ENPP6: variants seen among roughly 807,000 people sequenced by gnomAD.
The protein encoded by ENPP6 is ectonucleotide pyrophosphatase/phosphodiesterase 6, also known as glycerophosphocholine cholinephosphodiesterase ENPP6.
Under a neutral mutation model 42.0 loss-of-function variants are expected in ENPP6, and 32 were observed. The observed-to-expected ratio is 0.76, with a 90% confidence interval of 0.58 to 1.02. ENPP6 has a LOEUF of 1.02. ENPP6 is among the 50% of genes least tolerant of loss of function. The probability of loss-of-function intolerance (pLI) is 0.00; values close to 1 mark genes in which losing one functional copy is unlikely to be tolerated. For synonymous variants in ENPP6, 213 were observed against 216.0 expected (o/e 0.99, Z 0.12); for missense variants, 552 against 566.8 (o/e 0.97, Z 0.27).
At chr4:184,161,652 G>A (rs1371593544) in intron 1 of ENPP6, among the ~76,000 whole-genome samples, 2 of 140,492 alleles carry the variant, frequency 1.4e-5, no homozygotes, top group African/African-American at 5.0e-5. Flanking sequence ...ATCAATGAGT[G>A]GATAAAGAAA....
intron 6 of ENPP6, among the ~76,000 whole-genome samples, chr4:184,111,327 A>G (rs1296438432): frequency 2.6e-5 from 4 of 152,230 alleles, no homozygotes; most frequent in Non-Finnish European, 5.9e-5. Context: ...TTATAAACTG[A>G]AAAAAGTTCA....
At position 184,180,956 on chromosome 4, in the gene ENPP6, A is replaced by T. The variant is rs187156080; in HGVS notation, c.242-27223T>A. On this transcript the variant is annotated intron_variant, in intron 1 of 7. Coordinates refer to ENST00000296741, the MANE Select transcript of ENPP6 (RefSeq NM_153343.4). Reference sequence around the variant, plus strand: ...TCCCCTTGAAAACTGGCACAAGACAAGGGTGTTCTCTCTCACCATTCCTAG... The same window carrying T: ...TCCCCTTGAAAACTGGCACAAGACATGGGTGTTCTCTCTCACCATTCCTAG... 5.9e-5 allele frequency among the ~76,000 whole-genome samples: 9 copies of T among 152,312 alleles called. 1 individual carries two copies. Among genetic ancestry groups the T allele is most frequent in the Admixed American group, 2.6e-4 (4 of 15,302 alleles).
chr4:184,181,785 G>T (rs892437302), intron 1 of ENPP6, among the ~76,000 whole-genome samples: 4 of 152,164 alleles, frequency 2.6e-5, no homozygotes, highest in Admixed American at 2.0e-4. Flanking sequence ...AATAAATGGT[G>T]CTGGGAGAAC....
intron 1 of ENPP6, among the ~76,000 whole-genome samples, chr4:184,213,110 A>G (rs1733139659): frequency 6.6e-6 from 1 of 151,798 alleles, no homozygotes; most frequent in African/African-American, 2.4e-5. Flanking sequence ...AAAGACTTAA[A>G]CGTTAGACCT....
Position 184,091,185 on chromosome 4 carries a change from G to A in ENPP6, c.1315C>T (p.Leu439Phe). ...CALALILLFL[L>F]A The stretch of plus-strand genomic sequence containing the variant: ...ACAAGCAATATGATCAGTTATGCAA[G>A]CAGGAAGAGAAGAATCAGTGCCAGG... Residue 439 changes from leucine (L) to phenylalanine (F), a missense_variant, in exon 8 of 8, where the codon CTT (leucine) becomes TTT (phenylalanine). By Grantham distance (22) the Leu-to-Phe change is conservative. This residue lies in a region of ENPP6 where 545 missense variants were observed against 546.3 expected (regional missense o/e 1.00). Transcript: ENST00000296741. 1 of 1,555,114 alleles carries A rather than the reference G, an allele frequency of 6.4e-7. No homozygotes were observed. The highest frequency in any genetic ancestry group is 1.2e-5 in the South Asian group (1 of 82,586).
intron 1 of ENPP6, among the ~76,000 whole-genome samples, chr4:184,171,524 T>C (rs1327829822): frequency 1.3e-5 from 2 of 152,250 alleles, no homozygotes; most frequent in Non-Finnish European, 2.9e-5. Context: ...ATGGGATTTG[T>C]TACGGCAGCT....
chr4:184,200,867 C>A (rs558795171), intron 1 of ENPP6, among the ~76,000 whole-genome samples: 2 of 152,364 alleles, frequency 1.3e-5, no homozygotes, highest in East Asian at 3.9e-4. Context: ...CATGTACACA[C>A]ATTCTCCCAT....
At chr4:184,101,993 C>T (rs916697164) in intron 6 of ENPP6, among the ~76,000 whole-genome samples, 3 of 152,228 alleles carry the variant, frequency 2.0e-5, no homozygotes, top group South Asian at 2.1e-4. Flanking sequence ...TGCACTCCAT[C>T]GCCAGCTCCC....
chr4:184,107,787 C>T lies in ENPP6; in HGVS notation c.993+4885G>A, dbSNP rs543631497. On this transcript the variant is annotated intron_variant, in intron 6 of 7. Transcript: ENST00000296741. ...AAAATTAGCCGGGCGTGGTGGCGGGCGCCTGTTGTCCCAGCTACTCGGGAG... is the reference window on the plus strand; with the variant it reads ...AAAATTAGCCGGGCGTGGTGGCGGGTGCCTGTTGTCCCAGCTACTCGGGAG... Among the ~76,000 whole-genome samples, 354 of 152,008 alleles carry T rather than the reference C, an allele frequency of 2.3e-3. 2 individuals carry two copies. Among genetic ancestry groups the T allele is most frequent in the African/African-American group, 8.1e-3 (334 of 41,448 alleles).
At chr4:184,170,061 T>C (rs1032838351) in intron 1 of ENPP6, among the ~76,000 whole-genome samples, 2 of 152,250 alleles carry the variant, frequency 1.3e-5, no homozygotes, top group Non-Finnish European at 2.9e-5. Context: ...AACTATTTAA[T>C]ATCATTCAAT....
intron 6 of ENPP6, among the ~76,000 whole-genome samples, chr4:184,098,406 C>T (rs1223538656): frequency 6.6e-6 from 1 of 152,224 alleles, no homozygotes; most frequent in Non-Finnish European, 1.5e-5. Context: ...AATCACATTT[C>T]CTAGCAAAGC....
intron 7 of ENPP6, among the ~76,000 whole-genome samples, chr4:184,093,851 CTCTTCTA>C (rs1324408163): frequency 6.6e-6 from 1 of 152,042 alleles, no homozygotes; most frequent in East Asian, 1.9e-4. Flanking sequence ...ATGGAAGCAA[CTCTTCTA>C]TCTTCTTCTC....
Position 184,116,836 on chromosome 4 carries a change from C to G in ENPP6, c.855+20G>C. The G allele has an allele frequency of 1.9e-6, 3 of 1,611,710 alleles. No individual in the cohort carries two copies. Among genetic ancestry groups the G allele is most frequent in the Non-Finnish European group, 2.5e-6 (3 of 1,179,152 alleles). Reference sequence around the variant, plus strand: ...GAGGGCCCACATGGCCCTCCTCCGCCCCCCACGGGTCTGTCTTGCCTCAGA... The same window carrying G: ...GAGGGCCCACATGGCCCTCCTCCGCGCCCCACGGGTCTGTCTTGCCTCAGA... On this transcript the variant is annotated intron_variant, in intron 5 of 7. Coordinates refer to ENST00000296741, the MANE Select transcript of ENPP6 (RefSeq NM_153343.4).
chr4:184,155,724 G>A (rs1737148228), intron 1 of ENPP6, among the ~76,000 whole-genome samples: 1 of 152,184 alleles, frequency 6.6e-6, no homozygotes, highest in Non-Finnish European at 1.5e-5. Context: ...GGCTTCACAT[G>A]ATGTAGTTTT....
chr4:184,102,455 A>G (rs573753823), intron 6 of ENPP6, among the ~76,000 whole-genome samples: 12 of 152,310 alleles, frequency 7.9e-5, no homozygotes, highest in Non-Finnish European at 1.3e-4. Context: ...GGAATACATG[A>G]TCATATATAT....
Position 184,188,744 on chromosome 4 carries a change from C to A in ENPP6, c.241+28835G>T, listed in dbSNP as rs559916188. 2.6e-5 allele frequency among the ~76,000 whole-genome samples: 4 copies of A among 152,220 alleles called. No homozygotes were observed. In the South Asian group the frequency reaches 8.3e-4, roughly 32 times the overall value. On this transcript the variant is annotated intron_variant, in intron 1 of 7. Transcript: ENST00000296741. The stretch of plus-strand genomic sequence containing the variant: ...TGTATTGCCAATTAAATGTGGGAGG[C>A]TTCATTCAAGATAAAGATGTCTCAC...
intron 6 of ENPP6, among the ~76,000 whole-genome samples, chr4:184,110,365 C>T (rs1736178968): frequency 6.6e-6 from 1 of 152,200 alleles, no homozygotes; most frequent in Non-Finnish European, 1.5e-5. Context: ...GGGGAAGCCG[C>T]TAGTGGGTTC....
At chr4:184,129,187 A>C (rs2111355569) in intron 2 of ENPP6, among the ~76,000 whole-genome samples, 1 of 152,278 alleles carries the variant, frequency 6.6e-6, no homozygotes, top group Non-Finnish European at 1.5e-5. Context: ...AATGCTGGAA[A>C]TCAGGAGGCA....
chr4:184,105,443 A>C (rs1736071508), intron 6 of ENPP6, among the ~76,000 whole-genome samples: 1 of 152,228 alleles, frequency 6.6e-6, no homozygotes, highest in Non-Finnish European at 1.5e-5. Context: ...CATTCTGCTG[A>C]AATGTTTAGA....
Sources: allele counts gnomAD v4.1 joint callset (sites outside exome capture counted in the v4.1 genomes callset), GRCh38; gene constraint gnomAD v4.1.1; regional missense constraint gnomAD v4.1.1; transcripts MANE v1.5; gene names NCBI Gene and HGNC (gene_info 2026-07-23, HGNC 2026-07-21).